SPIRE1: variants seen among roughly 807,000 people sequenced by gnomAD.
SPIRE1 encodes protein spire homolog 1.
In SPIRE1, 40 loss-of-function variants were observed where a neutral mutation model predicts 94.1. The observed-to-expected ratio is 0.43, with a 90% confidence interval of 0.33 to 0.55. The LOEUF is 0.55. Among genes scored for constraint, SPIRE1 ranks in the 20% least tolerant of loss-of-function variants. SPIRE1 has a pLI of 0.06. For missense variants in SPIRE1, 838 were observed against 975.2 expected (o/e 0.86, Z 1.87); for synonymous variants, 376 against 371.7 (o/e 1.01, Z -0.13).
At position 12,462,728 on chromosome 18, in the gene SPIRE1, T is replaced by C. The variant is rs1161681136; in HGVS notation, c.1638+623A>G. On this transcript the variant is annotated intron_variant, in intron 12 of 16. Coordinates refer to ENST00000409402, the MANE Select transcript of SPIRE1 (RefSeq NM_001128626.2). ...TCAATAAGATCACCTACTGTAGTCA[T>C]TTTGCTAAGAGTTTTTTTGGTCAAT... is the stretch of plus-strand genomic sequence containing the variant. Among the ~76,000 whole-genome samples, 3 of 152,176 alleles carry C rather than the reference T, an allele frequency of 2.0e-5. No homozygotes were observed. The East Asian group carries it at 5.8e-4, about 29-fold the overall frequency.
rs1358055507 is a variant in SPIRE1 at position 12,631,556 on chromosome 18, A to G, written c.372+3506T>C. On this transcript the variant is annotated intron_variant, in intron 2 of 16. Transcript: ENST00000409402. ...GCAAAACCCCATCTCTACAAAAAAA[A>G]AAAAAAAAAAAAAAAAAAACATAAA... 6.7e-4 allele frequency among the ~76,000 whole-genome samples: 98 copies of G among 146,544 alleles called. 1 individual carries two copies. Among genetic ancestry groups the G allele is most frequent in the African/African-American group, 2.3e-3 (93 of 40,752 alleles).
At chr18:12,495,922 C>A (rs2033439952) in intron 7 of SPIRE1, 94 bp downstream of exon 7, 1 of 930,700 alleles carries the variant, frequency 1.1e-6, no homozygotes, top group Non-Finnish European at 1.7e-6. Context: ...AGAGGAAAAA[C>A]CACCTAGGAA....
chr18:12,657,717 G>T lies in SPIRE1; in HGVS notation c.150C>A (p.Asn50Lys). Residue 50 changes from asparagine (N) to lysine (K), a missense_variant, in exon 1 of 17, where the codon AAC (asparagine) becomes AAA (lysine). Asn to Lys is a moderately conservative substitution (Grantham distance 94). This residue lies in a region of SPIRE1 where 193 missense variants were observed against 170.5 expected (regional missense o/e 1.13). Coordinates refer to ENST00000409402, the MANE Select transcript of SPIRE1 (RefSeq NM_001128626.2). ...LSLEEILRLY[N>K]QPINEEQAWA... ...ACGCCTGCTCCTCGTTGATGGGCTG[G>T]TTGTACAGCCGCAGGATCTCCTCCA... 1 of 1,406,128 alleles carries T rather than the reference G, an allele frequency of 7.1e-7. No homozygotes were observed. The highest frequency in any genetic ancestry group is 9.3e-7 in the Non-Finnish European group (1 of 1,072,328). 87.1% of individuals were successfully genotyped at this position (1,406,128 alleles called of 1,614,324 possible).
At chr18:12,646,150 C>T (rs1162479509) in intron 1 of SPIRE1, among the ~76,000 whole-genome samples, 1 of 152,106 alleles carries the variant, frequency 6.6e-6, no homozygotes, top group Non-Finnish European at 1.5e-5. Context: ...TACCATATAA[C>T]GTCCTCCACA....
chr18:12,627,539 T>G (rs2037667313), intron 2 of SPIRE1, among the ~76,000 whole-genome samples: 1 of 152,216 alleles, frequency 6.6e-6, no homozygotes, highest in African/African-American at 2.4e-5. Flanking sequence ...TGTGTCTTTA[T>G]AGTAGCATGA....
In SPIRE1 at chr18:12,446,967, C is replaced by T. The variant is rs567405115; in HGVS notation, c.*2671G>A. 12 of 152,308 alleles carry T rather than the reference C, an allele frequency of 7.9e-5. No individual in the cohort carries two copies. In the South Asian group the frequency reaches 2.5e-3, roughly 32 times the overall value. The allele number at this position is 152,308 out of a possible 1,614,324, so 9.4% of individuals were successfully genotyped here. A position where few individuals can be genotyped will look rare whatever the true frequency, so the allele number is the denominator to read the frequency against. On this transcript the variant is annotated 3_prime_UTR_variant, in exon 17 of 17. Transcript: ENST00000409402. ...TCAACGTACGTCAATCATTCATTTTCACTTGCCTTGGGAGAGTTAATTCCC... is the reference window on the plus strand; with the variant it reads ...TCAACGTACGTCAATCATTCATTTTTACTTGCCTTGGGAGAGTTAATTCCC...
chr18:12,512,401 A>T, intron 5 of SPIRE1, 53 bp downstream of exon 5: 2 of 1,252,124 alleles, frequency 1.6e-6, no homozygotes, highest in South Asian at 1.3e-5. Context: ...AAAAAAAAAA[A>T]TTATACTATT....
intron 2 of SPIRE1, among the ~76,000 whole-genome samples, chr18:12,583,538 G>A (rs535997230): frequency 1.3e-5 from 2 of 152,110 alleles, no homozygotes; most frequent in Admixed American, 6.5e-5. Flanking sequence ...GGAGGTGAAG[G>A]TTGCAGTGAG....
chr18:12,547,354 G>A (rs2035203756), intron 2 of SPIRE1, among the ~76,000 whole-genome samples: 1 of 152,042 alleles, frequency 6.6e-6, no homozygotes, highest in African/African-American at 2.4e-5. Flanking sequence ...TCTCTCAGAC[G>A]ATGCAAACAA....
intron 9 of SPIRE1, 106 bp downstream of exon 9, chr18:12,485,852 CT>C: frequency 1.2e-6 from 1 of 815,596 alleles, no homozygotes; most frequent in African/African-American, 1.8e-5. Context: ...TAGCAGAAGC[CT>C]TTCAATTTTC....
chr18:12,487,453 G>T (rs2033078686), intron 8 of SPIRE1, among the ~76,000 whole-genome samples: 3 of 146,402 alleles, frequency 2.0e-5, no homozygotes, highest in African/African-American at 7.6e-5. Flanking sequence ...AGGCTGGAGT[G>T]CAGTGGCTGC....
At chr18:12,568,917 T>C (rs1282928641) in intron 2 of SPIRE1, among the ~76,000 whole-genome samples, 1 of 152,178 alleles carries the variant, frequency 6.6e-6, no homozygotes, top group Non-Finnish European at 1.5e-5. Flanking sequence ...CTCTGAAACA[T>C]CCTGGAGGAA....
chr18:12,529,671 C>T lies in SPIRE1; in HGVS notation c.729+5805G>A, dbSNP rs1355414894. 2.0e-5 allele frequency among the ~76,000 whole-genome samples: 3 copies of T among 152,152 alleles called. No individual in the cohort carries two copies. The East Asian group carries it at 5.8e-4, about 29-fold the overall frequency. On this transcript the variant is annotated intron_variant, in intron 4 of 16. Transcript: ENST00000409402. ...GTTAACTGTATTAGACATCTTATCT[C>T]TCAAAGATCAAAATGTTTGAAATAT... is the stretch of plus-strand genomic sequence containing the variant.
intron 1 of SPIRE1, among the ~76,000 whole-genome samples, chr18:12,656,351 C>G (rs972810054): frequency 6.6e-6 from 1 of 151,852 alleles, no homozygotes; most frequent in Non-Finnish European, 1.5e-5. Context: ...TTCAAAAGAA[C>G]AATTAAAAAG....
intron 2 of SPIRE1, among the ~76,000 whole-genome samples, chr18:12,596,912 C>T (rs2036687041): frequency 6.9e-6 from 1 of 145,762 alleles, no homozygotes; most frequent in Admixed American, 6.7e-5. Context: ...CTGTTTCCTC[C>T]TTCACCTGCA....
In SPIRE1 at chr18:12,544,668, C is replaced by G. The variant is rs796452975; in HGVS notation, c.603+2006G>C. Among the ~76,000 whole-genome samples, 8 of 152,174 alleles carry G rather than the reference C, an allele frequency of 5.3e-5. No homozygotes were observed. In the South Asian group the frequency reaches 1.2e-3, roughly 24 times the overall value. Reference sequence around the variant, plus strand: ...CCAAAAACCTGTCCTCGTAAGCACCCTTTTAACTATTCATTTTTCATATAA... The same window carrying G: ...CCAAAAACCTGTCCTCGTAAGCACCGTTTTAACTATTCATTTTTCATATAA... On this transcript the variant is annotated intron_variant, in intron 3 of 16. Coordinates refer to ENST00000409402, the MANE Select transcript of SPIRE1 (RefSeq NM_001128626.2).
At chr18:12,656,952 T>G (rs968332882) in intron 1 of SPIRE1, among the ~76,000 whole-genome samples, 12 of 152,254 alleles carry the variant, frequency 7.9e-5, no homozygotes, top group Non-Finnish European at 1.3e-4. Context: ...ATTTTTCCAT[T>G]TCTCCCCAAA....
chr18:12,657,426 T>TG lies in SPIRE1; in HGVS notation c.337+103dup, dbSNP rs951603153. ...CTCCCGGGGGTCTCCCGTGGCAAAA[T>TG]GGGGGGGGACGGCGGGGGCGGAAGG... On this transcript the variant is annotated intron_variant, in intron 1 of 16. Transcript: ENST00000409402. 1,532 of 938,422 alleles carry TG rather than the reference T, an allele frequency of 1.6e-3. 9 individuals are homozygous for TG. In the African/African-American group the frequency reaches 0.018, roughly 11 times the overall value. The allele number at this position is 938,422 out of a possible 1,614,324, so 58.1% of individuals were successfully genotyped here. A position where few individuals can be genotyped will look rare whatever the true frequency, so the allele number is the denominator to read the frequency against.
At chr18:12,533,229 G>C (rs1347192255) in intron 4 of SPIRE1, among the ~76,000 whole-genome samples, 2 of 152,190 alleles carry the variant, frequency 1.3e-5, no homozygotes, top group African/African-American at 2.4e-5. Flanking sequence ...GATGTGGCTG[G>C]AGCTTCAACC....
Sources: allele counts gnomAD v4.1 joint callset (sites outside exome capture counted in the v4.1 genomes callset), GRCh38; gene constraint gnomAD v4.1.1; regional missense constraint gnomAD v4.1.1; transcripts MANE v1.5; gene names NCBI Gene and HGNC (gene_info 2026-07-23, HGNC 2026-07-21).